The following PTAFR variants were observed in gnomAD, a reference collection of about 807,000 sequenced individuals.
PTAFR encodes the protein platelet-activating factor receptor.
PTAFR carries 8 observed loss-of-function variants against 14.7 expected under a neutral mutation model. The ratio of observed to expected loss-of-function variants is 0.54; its 90% CI spans 0.32 to 0.98. The LOEUF (loss-of-function observed/expected upper bound fraction) is 0.98, where lower values mean the gene tolerates loss of function less well. Among genes scored for constraint, PTAFR ranks in the 50% least tolerant of loss-of-function variants. The probability of loss-of-function intolerance (pLI) is 0.04; values close to 1 mark genes in which losing one functional copy is unlikely to be tolerated. For missense variants in PTAFR, 337 were observed against 451.2 expected (o/e 0.75, Z 2.29); for synonymous variants, 156 against 176.5 (o/e 0.88, Z 0.92).
chr1:28,184,080 CTGTT>C (rs1646584971), intron 1 of PTAFR, among the ~76,000 whole-genome samples: 1 of 116,298 alleles, frequency 8.6e-6, no homozygotes, highest in African/African-American at 3.3e-5. Flanking sequence ...CCCCATTAGT[CTGTT>C]TTTTTTTTTT....
At chr1:28,153,034 C>G (rs1484724017) in intron 1 of PTAFR, among the ~76,000 whole-genome samples, 1 of 152,126 alleles carries the variant, frequency 6.6e-6, no homozygotes, top group African/African-American at 2.4e-5. Context: ...GTGGCTCATG[C>G]CTGTAATCCC....
chr1:28,155,774 G>A (rs1646257299), intron 1 of PTAFR, among the ~76,000 whole-genome samples: 1 of 152,014 alleles, frequency 6.6e-6, no homozygotes, highest in South Asian at 2.1e-4. Context: ...AGGCCAAGGT[G>A]GAAGGATCAA....
Position 28,155,483 on chromosome 1 carries a change from C to T in PTAFR, c.-38-4424G>A, listed in dbSNP as rs142999730. On this transcript the variant is annotated intron_variant, in intron 1 of 1. Coordinates refer to ENST00000373857, the MANE Select transcript of PTAFR (RefSeq NM_000952.5). ...TCGGCCTCCCAAAGTGCTGGGATTA[C>T]AGGCGTGAGCCATCTCGCCTGGCTC... Among the ~76,000 whole-genome samples, 697 of 152,272 alleles carry T rather than the reference C, an allele frequency of 4.6e-3. 5 individuals are homozygous for T. Among genetic ancestry groups the T allele is most frequent in the African/African-American group, 0.016 (663 of 41,564 alleles).
In PTAFR at chr1:28,147,832, G is replaced by A. The variant is rs1297489950; in HGVS notation, c.*2161C>T. The A allele has an allele frequency of 2.0e-5, 3 of 152,154 alleles. No homozygotes were observed. Among genetic ancestry groups the A allele is most frequent in the African/African-American group, 7.2e-5 (3 of 41,396 alleles). The allele number at this position is 152,154 out of a possible 1,614,324, so 9.4% of individuals were successfully genotyped here. ...CCATGAGGTAGCTTTAACCTCATAG[G>A]TAATGACCCTAAGAGGTAGGAAATT... On this transcript the variant is annotated 3_prime_UTR_variant, in exon 2 of 2. Coordinates refer to ENST00000373857, the MANE Select transcript of PTAFR (RefSeq NM_000952.5).
At chr1:28,156,100 A>T (rs1397863873) in intron 1 of PTAFR, among the ~76,000 whole-genome samples, 1 of 152,016 alleles carries the variant, frequency 6.6e-6, no homozygotes, top group Non-Finnish European at 1.5e-5. Context: ...CACCACTACT[A>T]AAAATACAAA....
At chr1:28,155,948 G>A (rs567124382) in intron 1 of PTAFR, among the ~76,000 whole-genome samples, 5 of 152,076 alleles carry the variant, frequency 3.3e-5, no homozygotes, top group African/African-American at 9.6e-5. Flanking sequence ...TACTATATGC[G>A]GGGCTTTGAT....
Position 28,152,174 on chromosome 1 carries a change from GGCGAGA to G in PTAFR, c.-38-1121_-38-1116del, listed in dbSNP as rs1483468238. On this transcript the variant is annotated intron_variant, in intron 1 of 1. Coordinates refer to ENST00000373857, the MANE Select transcript of PTAFR (RefSeq NM_000952.5). Reference sequence around the variant, plus strand: ...GGCCTCCCAAAGTGCTGGGATTACAGGCGAGAGCCACCACCCCTGACCATGCAGTGT... The same window carrying G: ...GGCCTCCCAAAGTGCTGGGATTACAGGCCACCACCCCTGACCATGCAGTGT... 1.3e-5 allele frequency among the ~76,000 whole-genome samples: 2 copies of G among 152,116 alleles called. 1 individual carries two copies. The highest frequency in any genetic ancestry group is 4.8e-5 in the African/African-American group (2 of 41,412).
chr1:28,185,037 G>A (rs1360790626), intron 1 of PTAFR, among the ~76,000 whole-genome samples: 3 of 152,070 alleles, frequency 2.0e-5, no homozygotes, highest in Non-Finnish European at 4.4e-5. Context: ...TTTCTCAGTG[G>A]GGCCTTTCCT....
chr1:28,173,105 C>CA (rs68034962), intron 1 of PTAFR, among the ~76,000 whole-genome samples: 11,012 of 51,706 alleles, frequency 0.21, 636 homozygotes, highest in African/African-American at 0.27. Flanking sequence ...CCCGTTTCCA[C>CA]AAAAAAAAAA....
At chr1:28,153,287 G>A (rs1646216981) in intron 1 of PTAFR, among the ~76,000 whole-genome samples, 1 of 152,132 alleles carries the variant, frequency 6.6e-6, no homozygotes, top group Non-Finnish European at 1.5e-5. Context: ...CTTCCCTCTT[G>A]TTCCTCCCAC....
rs1334655139 is a variant in PTAFR, at chr1:28,151,160, C to T, written c.-38-101G>A. The T allele has an allele frequency of 1.6e-5, 11 of 676,076 alleles. No homozygotes were observed. The Admixed American group carries it at 1.9e-4, about 12-fold the overall frequency. 41.9% of individuals were successfully genotyped at this position (676,076 alleles called of 1,614,324 possible). A position where few individuals can be genotyped will look rare whatever the true frequency, so the allele number is the denominator to read the frequency against. On this transcript the variant is annotated intron_variant, in intron 1 of 1. Coordinates refer to ENST00000373857, the MANE Select transcript of PTAFR (RefSeq NM_000952.5). The stretch of plus-strand genomic sequence containing the variant: ...CTTGCCATGGTTAGAATGATGATGT[C>T]CCCTCAGAAGTTCATGTTGAATCTT...
chr1:28,164,578 G>A (rs190814756), intron 1 of PTAFR, among the ~76,000 whole-genome samples: 4 of 152,288 alleles, frequency 2.6e-5, no homozygotes, highest in Admixed American at 2.6e-4. Flanking sequence ...ATCTTCGTGA[G>A]GCTGGTTTTA....
chr1:28,161,314 C>T (rs1453579248), intron 1 of PTAFR, among the ~76,000 whole-genome samples: 1 of 152,182 alleles, frequency 6.6e-6, no homozygotes, highest in East Asian at 1.9e-4. Flanking sequence ...TATTGACATC[C>T]TTCTGGGTGT....
chr1:28,191,100 G>C (rs1043262195), intron 1 of PTAFR, among the ~76,000 whole-genome samples: 1 of 152,096 alleles, frequency 6.6e-6, no homozygotes. Flanking sequence ...TCTTCAGCTC[G>C]GGAGCAAAGC....
upstream of PTAFR, among the ~76,000 whole-genome samples, chr1:28,178,131 G>A (rs1457820646): frequency 1.3e-5 from 2 of 152,184 alleles, no homozygotes; most frequent in Non-Finnish European, 2.9e-5. Flanking sequence ...CAGGTATAAG[G>A]AGAGTCGGGG....
intron 1 of PTAFR, among the ~76,000 whole-genome samples, chr1:28,183,596 T>A (rs1161404185): frequency 6.6e-6 from 1 of 152,138 alleles, no homozygotes; most frequent in African/African-American, 2.4e-5. Flanking sequence ...CCACTGCCAC[T>A]CCAGCCTGGG....
At chr1:28,158,820 G>C (rs1258433435) in intron 1 of PTAFR, among the ~76,000 whole-genome samples, 1 of 152,130 alleles carries the variant, frequency 6.6e-6, no homozygotes, top group Non-Finnish European at 1.5e-5. Context: ...GACAAGACTG[G>C]GTCTGGATTT....
At chr1:28,166,420 C>T (rs1646385419) in intron 1 of PTAFR, among the ~76,000 whole-genome samples, 1 of 152,068 alleles carries the variant, frequency 6.6e-6, no homozygotes, top group Non-Finnish European at 1.5e-5. Context: ...GCCTGTAATC[C>T]CAGCACTTTG....
At chr1:28,182,624 TGA>T (rs1646571375) in intron 1 of PTAFR, among the ~76,000 whole-genome samples, 1 of 151,996 alleles carries the variant, frequency 6.6e-6, no homozygotes, top group African/African-American at 2.4e-5. Context: ...TGATAATTGT[TGA>T]AGCTGGCTAA....
Sources: gnomAD v4.1 joint callset for allele counts (sites outside exome capture counted in the v4.1 genomes callset) on GRCh38, gnomAD v4.1.1 for gene constraint, MANE v1.5 for transcripts, NCBI Gene and HGNC (gene_info 2026-07-23, HGNC 2026-07-21) for gene names.